ITPRID2: variants seen among roughly 807,000 people sequenced by gnomAD.
ITPRID2 encodes protein ITPRID2.
A neutral mutation model predicts 124.3 loss-of-function variants in ITPRID2; 60 were observed. The ratio of observed to expected loss-of-function variants is 0.48; its 90% confidence interval spans 0.39 to 0.60. The LOEUF is 0.60. Among genes scored for constraint, ITPRID2 ranks in the 20% least tolerant of loss-of-function variants. ITPRID2 has a pLI of 0.00. For missense variants in ITPRID2, 1,553 were observed against 1,512.2 expected (o/e 1.03, Z -0.45); for synonymous variants, 521 against 542.9 (o/e 0.96, Z 0.56).
At chr2:181,926,672 C>T (rs571475624) in intron 16 of ITPRID2, among the ~76,000 whole-genome samples, 5 of 149,064 alleles carry the variant, frequency 3.4e-5, no homozygotes, top group African/African-American at 1.0e-4. Flanking sequence ...GATATTGTAC[C>T]GCTGCACTCC....
At position 181,910,947 on chromosome 2, in the gene ITPRID2, A is replaced by G. The variant is rs1335521430; in HGVS notation, c.1486+976A>G. On this transcript the variant is annotated intron_variant, in intron 9 of 17. Coordinates refer to ENST00000431877, the MANE Select transcript of ITPRID2 (RefSeq NM_001130445.3). This position sits in a 1 kb window ranked among gnomAD's most constrained non-coding sequence, Gnocchi z 4.1. ...TTCTGAGCTGAGTTCATGGTCATCA[A>G]GAAGTGTTTGCTTTAGATAGGTAGA... Among the ~76,000 whole-genome samples, 1 of 152,164 alleles carries G rather than the reference A, an allele frequency of 6.6e-6. No individual in the cohort carries two copies. Among genetic ancestry groups the G allele is most frequent in the African/African-American group, 2.4e-5 (1 of 41,452 alleles).
At chr2:181,895,885 C>T in intron 2 of ITPRID2, 145 bp from the exon 3 acceptor site, 1 of 685,080 alleles carries the variant, frequency 1.5e-6, no homozygotes, top group Non-Finnish European at 2.6e-6. Flanking sequence ...ATGTAATCTA[C>T]TTGCATTCCT....
rs1232824895 is a variant in ITPRID2, at chr2:181,902,509, G to A, written c.1413+43G>A. 4 of 1,383,996 alleles carry A rather than the reference G, an allele frequency of 2.9e-6. No homozygotes were observed. Among genetic ancestry groups the A allele is most frequent in the South Asian group, 3.2e-5 (2 of 62,580 alleles). The allele number at this position is 1,383,996 out of a possible 1,614,324, so 85.7% of individuals were successfully genotyped here. A position where few individuals can be genotyped will look rare whatever the true frequency, so the allele number is the denominator to read the frequency against. On this transcript the variant is annotated intron_variant, in intron 8 of 17. Transcript: ENST00000431877. The surrounding 1 kb of genome is among the most constrained non-coding windows in gnomAD (Gnocchi z 4.4). ...GAGACTGGTTTCAAGTTGCAGACTA[G>A]GAAAAAAAGTACCAAAAATGCTTAT... is the stretch of plus-strand genomic sequence containing the variant.
At chr2:181,908,185 A>G (rs1292111514) in intron 8 of ITPRID2, among the ~76,000 whole-genome samples, 2 of 152,180 alleles carry the variant, frequency 1.3e-5, no homozygotes, top group Non-Finnish European at 2.9e-5. Context: ...AGCCTGGGCA[A>G]CATGGTGAAA....
intron 5 of ITPRID2, 47 bp from the exon 6 acceptor site, chr2:181,898,967 A>G (rs1217344576): frequency 6.3e-7 from 1 of 1,595,374 alleles, no homozygotes; most frequent in Non-Finnish European, 8.6e-7. Flanking sequence ...AAGACCTTTA[A>G]TGAAAATAAA....
chr2:181,918,426 G>C (rs984870187), intron 11 of ITPRID2, 172 bp from the exon 12 acceptor site: 11 of 1,440,394 alleles, frequency 7.6e-6, no homozygotes, highest in Non-Finnish European at 1.0e-5. Context: ...GCAGTACTAG[G>C]TGTCATTGGG....
chr2:181,908,983 A>G (rs2125084591), intron 8 of ITPRID2, among the ~76,000 whole-genome samples: 1 of 152,266 alleles, frequency 6.6e-6, no homozygotes, highest in East Asian at 1.9e-4. Context: ...CATCTTGCCC[A>G]TTCCCTATGT....
rs922649501 is a variant in ITPRID2 at position 181,929,978 on chromosome 2, A to G, written c.*431A>G. ...TTTTTTTCAGAGCTTGAAGCATCCA[A>G]TGATTTTTCCCTCCACTGCTGTTAA... On this transcript the variant is annotated 3_prime_UTR_variant, in exon 18 of 18. Coordinates refer to ENST00000431877, the MANE Select transcript of ITPRID2 (RefSeq NM_001130445.3). 3.3e-4 allele frequency: 54 copies of G among 164,334 alleles called. No individual in the cohort carries two copies. The highest frequency in any genetic ancestry group is 1.1e-3 in the African/African-American group (47 of 42,144). The allele number at this position is 164,334 out of a possible 1,614,324, so 10.2% of individuals were successfully genotyped here. A position where few individuals can be genotyped will look rare whatever the true frequency, so the allele number is the denominator to read the frequency against.
At chr2:181,908,558 TAACAA>T (rs2125083759) in intron 8 of ITPRID2, among the ~76,000 whole-genome samples, 1 of 152,330 alleles carries the variant, frequency 6.6e-6, no homozygotes, top group African/African-American at 2.4e-5. Flanking sequence ...TTTAACAAGA[TAACAA>T]AGAATAGTAG....
At position 181,900,875 on chromosome 2, in the gene ITPRID2, A is replaced by G; in HGVS notation, c.683A>G (p.Glu228Gly). 1 of 1,611,000 alleles carries G rather than the reference A, an allele frequency of 6.2e-7. No homozygotes were observed. The highest frequency in any genetic ancestry group is 8.5e-7 in the Non-Finnish European group (1 of 1,178,980). ...VFLSAQMQRM[E>G]VENPNYALTS... Reference sequence around the variant, plus strand: ...TTGAGTGCTCAGATGCAACGGATGGAAGTAGAAAACCCAAATTATGCTTTA... The same window carrying G: ...TTGAGTGCTCAGATGCAACGGATGGGAGTAGAAAACCCAAATTATGCTTTA... Residue 228 changes from glutamate to glycine, a missense_variant, in exon 7 of 18, where the codon GAA (glutamate) becomes GGA (glycine). Physicochemically the swap from Glu to Gly is moderately conservative, Grantham distance 98. Coordinates refer to ENST00000431877, the MANE Select transcript of ITPRID2 (RefSeq NM_001130445.3).
In ITPRID2 at chr2:181,902,596, G is replaced by T. The variant is rs1692765482; in HGVS notation, c.1413+130G>T. 1.4e-6 allele frequency: 1 copy of T among 713,158 alleles called. No individual in the cohort carries two copies. The highest frequency in any genetic ancestry group is 2.5e-5 in the South Asian group (1 of 40,092). The allele number at this position is 713,158 out of a possible 1,614,324, so 44.2% of individuals were successfully genotyped here. On this transcript the variant is annotated intron_variant, in intron 8 of 17. Coordinates refer to ENST00000431877, the MANE Select transcript of ITPRID2 (RefSeq NM_001130445.3). The surrounding 1 kb of genome is among the most constrained non-coding windows in gnomAD (Gnocchi z 4.4). Reference sequence around the variant, plus strand: ...ATTTATTCTAATTTTGACTTTCCAGGTTTATGTTTCACAAACCAAGAATTG... The same window carrying T: ...ATTTATTCTAATTTTGACTTTCCAGTTTTATGTTTCACAAACCAAGAATTG...
chr2:181,910,233 A>G lies in ITPRID2; in HGVS notation c.1486+262A>G, dbSNP rs995503045. 6.6e-6 allele frequency among the ~76,000 whole-genome samples: 1 copy of G among 152,222 alleles called. No individual in the cohort carries two copies. Among genetic ancestry groups the G allele is most frequent in the Non-Finnish European group, 1.5e-5 (1 of 68,028 alleles). The stretch of plus-strand genomic sequence containing the variant: ...GTGTGTGCTCTAAGTATTTTACACT[A>G]TTGCATAAGAGCTAGTTGGGAAGTG... On this transcript the variant is annotated intron_variant, in intron 9 of 17. Coordinates refer to ENST00000431877, the MANE Select transcript of ITPRID2 (RefSeq NM_001130445.3). The surrounding 1 kb of genome is among the most constrained non-coding windows in gnomAD (Gnocchi z 4.1).
In ITPRID2 at chr2:181,891,817, C is replaced by G. The variant is rs1278009178; in HGVS notation, c.-250C>G. 2.9e-6 allele frequency: 1 copy of G among 344,284 alleles called. No homozygotes were observed. Among genetic ancestry groups the G allele is most frequent in the Non-Finnish European group, 5.0e-6 (1 of 199,054 alleles). 21.3% of individuals were successfully genotyped at this position (344,284 alleles called of 1,614,324 possible). ...CGGGCGCTCGGCTCCCAGCCGCGCT[C>G]CCTCGGGCCACTAGCGCTCCCGCGC... is the stretch of plus-strand genomic sequence containing the variant. On this transcript the variant is annotated 5_prime_UTR_variant, in exon 1 of 18. Transcript: ENST00000431877.
At chr2:181,926,598 A>G (rs1694882543) in intron 16 of ITPRID2, among the ~76,000 whole-genome samples, 1 of 151,838 alleles carries the variant, frequency 6.6e-6, no homozygotes, top group South Asian at 2.1e-4. Flanking sequence ...CTGTAGTCCC[A>G]GCTACTCAGG....
chr2:181,895,171 CAT>C, intron 2 of ITPRID2, among the ~76,000 whole-genome samples: 1 of 151,976 alleles, frequency 6.6e-6, no homozygotes, highest in Non-Finnish European at 1.5e-5. Context: ...TGATTGATCC[CAT>C]GTCTCGTGAA....
Position 181,900,752 on chromosome 2 carries a change from T to C in ITPRID2, c.560T>C (p.Leu187Pro). 1 of 1,613,078 alleles carries C rather than the reference T, an allele frequency of 6.2e-7. No individual in the cohort carries two copies. Among genetic ancestry groups the C allele is most frequent in the Non-Finnish European group, 8.5e-7 (1 of 1,179,580 alleles). ...GATCCTGAAGAAATTCTTTATAATC[T>C]TGGATTTGGACGTGATGAACCAGAT... ...EEDPEEILYN[L>P]GFGRDEPDIA... Residue 187 changes from leucine to proline, a missense_variant, in exon 7 of 18, where the codon CTT (leucine) becomes CCT (proline). Transcript: ENST00000431877.
intron 2 of ITPRID2, chr2:181,893,903 T>C (rs1198910594): frequency 5.9e-5 from 9 of 152,196 alleles, no homozygotes; most frequent in Admixed American, 5.9e-4. Flanking sequence ...ATGTACATGT[T>C]CAAGACCTTT....
rs1693991683 is a variant in ITPRID2, at chr2:181,915,813, T to C, written c.2173T>C (p.Tyr725His). 6.2e-7 allele frequency: 1 copy of C among 1,614,026 alleles called. No homozygotes were observed. The highest frequency in any genetic ancestry group is 1.3e-5 in the African/African-American group (1 of 74,920). Residue 725 changes from tyrosine (Y) to histidine (H), a missense_variant, in exon 11 of 18, where the codon TAC (tyrosine) becomes CAC (histidine). Tyr to His is a moderately conservative substitution (Grantham distance 83). Transcript: ENST00000431877. ...LKSKDLLKQR[Y>H]LFAKAGYPLR... ...ATCAAAAGATTTGTTAAAACAAAGG[T>C]ACTTATTTGCAAAAGCTGGCTATCC...
Position 181,905,699 on chromosome 2 carries a change from T to A in ITPRID2, c.1413+3233T>A, listed in dbSNP as rs1291867879. ...CATAATCTTTTTTAAGCTACTGATG[T>A]GTTAGTAACTGTTTCTAATCCTGTC... On this transcript the variant is annotated intron_variant, in intron 8 of 17. Transcript: ENST00000431877. This position sits in a 1 kb window ranked among gnomAD's most constrained non-coding sequence, Gnocchi z 4.1. Among the ~76,000 whole-genome samples the A allele has an allele frequency of 6.6e-6, 1 of 152,234 alleles. No individual in the cohort carries two copies. Among genetic ancestry groups the A allele is most frequent in the Non-Finnish European group, 1.5e-5 (1 of 68,032 alleles).
Sources: allele counts gnomAD v4.1 joint callset (sites outside exome capture counted in the v4.1 genomes callset), GRCh38; gene constraint gnomAD v4.1.1; non-coding constraint Gnocchi (gnomAD v3.1); transcripts MANE v1.5; gene names NCBI Gene and HGNC (gene_info 2026-07-23, HGNC 2026-07-21).